ARMC2: variants seen among roughly 807,000 people sequenced by gnomAD.
ARMC2 encodes the protein armadillo repeat-containing protein 2.
ARMC2 carries 67 observed loss-of-function variants against 90.3 expected under a neutral mutation model. That is an observed-to-expected ratio of 0.74 (90% CI 0.61 to 0.91). The LOEUF is 0.91. Among genes scored for constraint, ARMC2 ranks in the 40% least tolerant of loss-of-function variants. The pLI is 0.00. For missense variants in ARMC2, 920 were observed against 1,030.9 expected, an observed-to-expected ratio of 0.89 and a Z score of 1.47; for synonymous variants, 393 against 393.0, an observed-to-expected ratio of 1.00 and a Z score of 0.00.
chr6:109,020,166 G>A, the ARMC2 span, among the ~76,000 whole-genome samples: 1 of 152,182 alleles, frequency 6.6e-6, no homozygotes, highest in Non-Finnish European at 1.5e-5. Context: ...AGATACCGGT[G>A]AGGCCTAAGC....
intron 17 of ARMC2, among the ~76,000 whole-genome samples, chr6:108,969,057 A>G (rs1778576772): frequency 6.6e-6 from 1 of 152,120 alleles, no homozygotes; most frequent in African/African-American, 2.4e-5. Context: ...GCACCTGATG[A>G]CCATGTGTGT....
chr6:108,994,230 T>G, the ARMC2 span, among the ~76,000 whole-genome samples: 1 of 151,926 alleles, frequency 6.6e-6, no homozygotes, highest in African/African-American at 2.4e-5. Context: ...TAGAAGTAAT[T>G]TTAGTGCCAG....
chr6:109,008,790 C>T, the ARMC2 span: 1 of 985,402 alleles, frequency 1.0e-6, no homozygotes, highest in East Asian at 1.1e-4. Flanking sequence ...TGGCTTAATA[C>T]GCAAGAGTAA....
At position 108,854,319 on chromosome 6, in the gene ARMC2, C is replaced by T; in HGVS notation, c.52C>T (p.Pro18Ser). The T allele has an allele frequency of 6.2e-7, 1 of 1,612,268 alleles. No homozygotes were observed. Among genetic ancestry groups the T allele is most frequent in the Non-Finnish European group, 8.5e-7 (1 of 1,179,460 alleles). Residue 18 changes from proline (P) to serine (S), a missense_variant, in exon 2 of 18, where the codon CCT becomes TCT. Pro to Ser is a moderately conservative substitution (Grantham distance 74). Coordinates refer to ENST00000392644, the MANE Select transcript of ARMC2 (RefSeq NM_032131.6). ...MLGKLDPFYQPSVSKQKTSAE... is the reference protein window; with the variant it reads ...MLGKLDPFYQSSVSKQKTSAE... ...AGGAAAACTGGATCCATTTTATCAACCTTCAGTGTCCAAGCAGAAGACCAG... is the reference window on the plus strand; with the variant it reads ...AGGAAAACTGGATCCATTTTATCAATCTTCAGTGTCCAAGCAGAAGACCAG...
intron 1 of ARMC2, among the ~76,000 whole-genome samples, chr6:108,849,209 A>G (rs988500614): frequency 2.6e-4 from 40 of 152,220 alleles, no homozygotes; most frequent in Admixed American, 1.3e-4. Flanking sequence ...GTAACACAAC[A>G]GATCTTACGT....
chr6:108,913,279 A>G (rs1773622296), intron 10 of ARMC2, among the ~76,000 whole-genome samples: 1 of 152,220 alleles, frequency 6.6e-6, no homozygotes, highest in African/African-American at 2.4e-5. Context: ...TTGTCAATTA[A>G]TGAGGATTGA....
chr6:108,920,508 C>T (rs1774450117), intron 10 of ARMC2, among the ~76,000 whole-genome samples: 1 of 152,212 alleles, frequency 6.6e-6, no homozygotes, highest in African/African-American at 2.4e-5. Context: ...CTTCCCTTCT[C>T]TTCCCTTTCC....
intron 13 of ARMC2, among the ~76,000 whole-genome samples, chr6:108,953,842 C>T (rs1246293284): frequency 6.6e-6 from 1 of 152,178 alleles, no homozygotes; most frequent in Non-Finnish European, 1.5e-5. Context: ...CCTGTTCATT[C>T]CCCTTGTATT....
At chr6:108,944,838 A>C (rs2128498594) in intron 12 of ARMC2, among the ~76,000 whole-genome samples, 1 of 152,144 alleles carries the variant, frequency 6.6e-6, no homozygotes, top group African/African-American at 2.4e-5. Flanking sequence ...CAACAGTCTC[A>C]ATGAAAAGGC....
chr6:109,033,681 A>G, the ARMC2 span, among the ~76,000 whole-genome samples: 1 of 152,332 alleles, frequency 6.6e-6, no homozygotes, highest in Admixed American at 6.5e-5. Context: ...GCCATAATTC[A>G]TAGGACAGTT....
the ARMC2 span, chr6:109,001,575 A>G: frequency 8.7e-7 from 1 of 1,144,768 alleles, no homozygotes; most frequent in East Asian, 2.5e-5. Flanking sequence ...TCTAAGTATC[A>G]TTTAGAAGCA....
At chr6:108,982,117 CTCTT>C in the ARMC2 span, among the ~76,000 whole-genome samples, 2 of 152,194 alleles carry the variant, frequency 1.3e-5, no homozygotes, top group Non-Finnish European at 1.5e-5. Context: ...TTGCAAATCT[CTCTT>C]TGAGATCTTG....
the ARMC2 span, among the ~76,000 whole-genome samples, chr6:109,031,112 G>A: frequency 6.6e-6 from 1 of 152,184 alleles, no homozygotes; most frequent in East Asian, 1.9e-4. Flanking sequence ...TAAAAGATGG[G>A]TAAAGGGGAA....
At chr6:108,910,138 A>G (rs1037859546) in intron 8 of ARMC2, among the ~76,000 whole-genome samples, 6 of 151,828 alleles carry the variant, frequency 4.0e-5, no homozygotes, top group Non-Finnish European at 7.4e-5. Context: ...TTCCTCATAT[A>G]CTCCTTTAAA....
chr6:108,961,844 G>A, intron 14 of ARMC2, 150 bp downstream of exon 14: 1 of 1,153,470 alleles, frequency 8.7e-7, no homozygotes, highest in Admixed American at 2.7e-5. Flanking sequence ...TAGAATATGG[G>A]GAAACTAGAA....
At chr6:108,964,635 G>T (rs1242643127) in intron 16 of ARMC2, among the ~76,000 whole-genome samples, 2 of 152,092 alleles carry the variant, frequency 1.3e-5, no homozygotes, top group South Asian at 2.1e-4. Flanking sequence ...TTAGCCAGGC[G>T]TTGTGGCACA....
chr6:109,011,627 T>C, the ARMC2 span, among the ~76,000 whole-genome samples: 2 of 149,440 alleles, frequency 1.3e-5, no homozygotes, highest in South Asian at 4.2e-4. Flanking sequence ...TTTAAAATTT[T>C]TTTTCTTTTT....
At position 108,854,284 on chromosome 6, in the gene ARMC2, A is replaced by G. The variant is rs1189000334; in HGVS notation, c.17A>G (p.Asp6Gly). Reference sequence around the variant, plus strand: ...AAAGGAAAGATGCTGTCTCCAAATGATAAAATGTTAGGAAAACTGGATCCA... The same window carrying G: ...AAAGGAAAGATGCTGTCTCCAAATGGTAAAATGTTAGGAAAACTGGATCCA... MLSPN[D>G]KMLGKLDPFY... is the part of the protein sequence containing the mutation. The change falls in exon 2 of 18, where the codon GAT becomes GGT. Residue 6 changes from aspartate to glycine, a missense_variant. Coordinates refer to ENST00000392644, the MANE Select transcript of ARMC2 (RefSeq NM_032131.6). 2 of 1,608,150 alleles carry G rather than the reference A, an allele frequency of 1.2e-6. No homozygotes were observed. The highest frequency in any genetic ancestry group is 3.4e-5 in the Admixed American group (2 of 58,998).
chr6:108,987,409 C>T, the ARMC2 span: 1 of 545,490 alleles, frequency 1.8e-6, no homozygotes, highest in Non-Finnish European at 3.3e-6. Context: ...AGAAAAATAG[C>T]AGAAACTAAA....
Sources: gnomAD v4.1 joint callset for allele counts (sites outside exome capture counted in the v4.1 genomes callset) on GRCh38, gnomAD v4.1.1 for gene constraint, MANE v1.5 for transcripts, NCBI Gene and HGNC (gene_info 2026-07-23, HGNC 2026-07-21) for gene names.